The following KIF26B variants were observed in gnomAD, a reference collection of about 807,000 sequenced individuals.
The protein encoded by KIF26B is kinesin family member 26B.
A neutral mutation model predicts 151.2 loss-of-function variants in KIF26B; 63 were observed. The observed-to-expected ratio is 0.42, with a 90% confidence interval of 0.34 to 0.51. The LOEUF is 0.51. KIF26B is among the 20% of genes least tolerant of loss of function. The pLI, the probability that KIF26B is intolerant of heterozygous loss-of-function variation, is 0.07. For missense variants in KIF26B, 2,813 were observed against 2,913.6 expected, an observed-to-expected ratio of 0.97 and a Z score of 0.79; for synonymous variants, 1,357 against 1,262.1, an observed-to-expected ratio of 1.08 and a Z score of -1.59.
intron 5 of KIF26B, among the ~76,000 whole-genome samples, chr1:245,585,912 G>A (rs1280341312): frequency 1.3e-5 from 2 of 152,138 alleles, no homozygotes; most frequent in South Asian, 2.1e-4. Context: ...ACACGTAGTC[G>A]ACACATTTAA....
intron 2 of KIF26B, among the ~76,000 whole-genome samples, chr1:245,357,137 C>A (rs1454210157): frequency 6.6e-6 from 1 of 152,128 alleles, no homozygotes; most frequent in African/African-American, 2.4e-5. Flanking sequence ...TCCTGCAGAG[C>A]CCATGGCAGG....
intron 2 of KIF26B, among the ~76,000 whole-genome samples, chr1:245,228,208 C>T (rs1669916905): frequency 6.6e-6 from 1 of 152,174 alleles, no homozygotes; most frequent in Admixed American, 6.5e-5. Flanking sequence ...CCTGAGGGGG[C>T]CCTCTTTCAG....
In KIF26B at chr1:245,375,603, C is replaced by A. The variant is rs1437350413; in HGVS notation, c.999+8236C>A. ...CCTAGAGCCTCCAGAAGAAGCCAGC[C>A]CTGCAGGGCCATTTTTGAGTTCTGG... On this transcript the variant is annotated intron_variant, in intron 3 of 14. Transcript: ENST00000407071. The surrounding 1 kb of genome is among the most constrained non-coding windows in gnomAD (Gnocchi z 4.2). Among the ~76,000 whole-genome samples the A allele has an allele frequency of 6.6e-6, 1 of 152,054 alleles. No individual in the cohort carries two copies. Among genetic ancestry groups the A allele is most frequent in the Admixed American group, 6.6e-5 (1 of 15,266 alleles).
At chr1:245,278,564 G>A (rs1168705453) in intron 2 of KIF26B, among the ~76,000 whole-genome samples, 7 of 152,158 alleles carry the variant, frequency 4.6e-5, no homozygotes, top group African/African-American at 1.7e-4. Flanking sequence ...CTAGTGTGGG[G>A]AATAGTCAGC....
intron 10 of KIF26B, among the ~76,000 whole-genome samples, chr1:245,659,946 C>T (rs2044116781): frequency 6.6e-6 from 1 of 151,208 alleles, no homozygotes; most frequent in African/African-American, 2.4e-5. Flanking sequence ...TACTCAGGAG[C>T]CTGAGGCAGG....
In KIF26B at chr1:245,362,364, TAA is replaced by T. The variant is rs775148578; in HGVS notation, c.466-4447_466-4446del. On this transcript the variant is annotated intron_variant, in intron 2 of 14. Transcript: ENST00000407071. Reference sequence around the variant, plus strand: ...CAAGATGGTGAAACCCCGTCTCTACTAAAAAAAAAAAAAAAAAAAAAAAATTA... The same window carrying T: ...CAAGATGGTGAAACCCCGTCTCTACTAAAAAAAAAAAAAAAAAAAAAATTA... Among the ~76,000 whole-genome samples the T allele has an allele frequency of 9.6e-4, 79 of 82,558 alleles. 1 individual carries two copies. Among genetic ancestry groups the T allele is most frequent in the East Asian group, 3.9e-3 (11 of 2,796 alleles). 54.2% of individuals were successfully genotyped at this position (82,558 alleles called of 152,430 possible).
intron 4 of KIF26B, among the ~76,000 whole-genome samples, chr1:245,449,659 A>G (rs746698096): frequency 2.6e-5 from 4 of 152,216 alleles, no homozygotes; most frequent in Non-Finnish European, 5.9e-5. Flanking sequence ...TACATTTGAC[A>G]AAACGGGAGA....
chr1:245,648,170 T>A (rs550826088), intron 10 of KIF26B, among the ~76,000 whole-genome samples: 11 of 152,240 alleles, frequency 7.2e-5, no homozygotes, highest in Non-Finnish European at 1.6e-4. Flanking sequence ...GGTCATTGAT[T>A]ACATATCTTA....
At chr1:245,393,566 CAAG>C (rs1355346773) in intron 3 of KIF26B, among the ~76,000 whole-genome samples, 1 of 152,120 alleles carries the variant, frequency 6.6e-6, no homozygotes, top group African/African-American at 2.4e-5. Context: ...CAGAATAACT[CAAG>C]GAGGAGCATG....
At chr1:245,613,416 A>C (rs2043549252) in intron 9 of KIF26B, among the ~76,000 whole-genome samples, 1 of 152,116 alleles carries the variant, frequency 6.6e-6, no homozygotes, top group Admixed American at 6.5e-5. Flanking sequence ...CAGCCTGGCC[A>C]ACATGGAGAA....
At chr1:245,561,540 T>C (rs2042950934) in intron 5 of KIF26B, among the ~76,000 whole-genome samples, 1 of 152,240 alleles carries the variant, frequency 6.6e-6, no homozygotes. Context: ...CTGAGTACTG[T>C]TCTGAGTGCA....
chr1:245,490,602 C>T (rs975769959), intron 4 of KIF26B, among the ~76,000 whole-genome samples: 1 of 152,198 alleles, frequency 6.6e-6, no homozygotes, highest in African/African-American at 2.4e-5. Flanking sequence ...TGAGCCACCG[C>T]ACCTGGCCTG....
At chr1:245,573,309 G>A (rs547529242) in intron 5 of KIF26B, among the ~76,000 whole-genome samples, 124 of 152,292 alleles carry the variant, frequency 8.1e-4, no homozygotes, top group Non-Finnish European at 1.0e-3. Flanking sequence ...GGATCACGAG[G>A]TCAGGAGTTT....
At chr1:245,659,291 T>C (rs1163620156) in intron 10 of KIF26B, among the ~76,000 whole-genome samples, 2 of 152,172 alleles carry the variant, frequency 1.3e-5, no homozygotes, top group East Asian at 3.8e-4. Flanking sequence ...GATTTTGCAC[T>C]AATCTGAATG....
chr1:245,567,355 C>T (rs937822769), intron 5 of KIF26B, among the ~76,000 whole-genome samples: 3 of 152,236 alleles, frequency 2.0e-5, no homozygotes, highest in Non-Finnish European at 2.9e-5. Context: ...ATTCAGACAC[C>T]CTTTCAGCGT....
intron 4 of KIF26B, among the ~76,000 whole-genome samples, chr1:245,533,602 A>G (rs969550932): frequency 1.3e-5 from 2 of 152,132 alleles, no homozygotes; most frequent in African/African-American, 4.8e-5. Context: ...GGAAAGTTCT[A>G]TTCTTCATGA....
chr1:245,260,070 T>A (rs1353287947), intron 2 of KIF26B, among the ~76,000 whole-genome samples: 2 of 152,066 alleles, frequency 1.3e-5, no homozygotes, highest in Admixed American at 6.6e-5. Context: ...CTCCTGCTGC[T>A]TTTTTGGTGG....
rs995836678 is a variant in KIF26B, at chr1:245,617,087, TG to T, written c.2098+5112del. Among the ~76,000 whole-genome samples, 417 of 90,408 alleles carry T rather than the reference TG, an allele frequency of 4.6e-3. 3 individuals carry two copies. The highest frequency in any genetic ancestry group is 0.012 in the African/African-American group (382 of 32,196). 59.3% of individuals were successfully genotyped at this position (90,408 alleles called of 152,430 possible). On this transcript the variant is annotated intron_variant, in intron 9 of 14. Coordinates refer to ENST00000407071, the MANE Select transcript of KIF26B (RefSeq NM_018012.4). ...CATCAGACTCTTTAATCTGTTTTTT[TG>T]TTTGTTTGTTTGTTTGTTTGTTTTT...
chr1:245,348,652 C>G (rs1672506204), intron 2 of KIF26B, among the ~76,000 whole-genome samples: 2 of 152,198 alleles, frequency 1.3e-5, no homozygotes, highest in South Asian at 4.1e-4. Flanking sequence ...TTACCTCCAG[C>G]CATCATGTTG....
Sources: allele counts gnomAD v4.1 joint callset (sites outside exome capture counted in the v4.1 genomes callset), GRCh38; gene constraint gnomAD v4.1.1; non-coding constraint Gnocchi (gnomAD v3.1); transcripts MANE v1.5; gene names NCBI Gene and HGNC (gene_info 2026-07-23, HGNC 2026-07-21).